Variants in RNF213 observed in about 807,000 individuals in gnomAD.
The protein encoded by RNF213 is E3 ubiquitin-protein ligase RNF213.
Under a neutral mutation model 514.4 loss-of-function variants are expected in RNF213, and 341 were observed. That is an observed-to-expected ratio of 0.66 (90% CI 0.61 to 0.73). RNF213 has a LOEUF of 0.73. Ranked by LOEUF, RNF213 falls within the 30% of genes least tolerant of loss-of-function variation. The pLI, the probability that RNF213 is intolerant of heterozygous loss-of-function variation, is 0.00. For synonymous variants in RNF213, 2,655 were observed against 2,658.2 expected (o/e 1.00, Z 0.04); for missense variants, 5,767 against 6,615.6 (o/e 0.87, Z 4.45).
At chr17:80,327,518 G>A (rs2046311335) in intron 18 of RNF213, among the ~76,000 whole-genome samples, 1 of 152,024 alleles carries the variant, frequency 6.6e-6, no homozygotes, top group African/African-American at 2.4e-5. Context: ...TCCGTATACT[G>A]AAGGGGACGT....
chr17:80,363,617 C>A lies in RNF213; in HGVS notation c.11577C>A (p.Asp3859Glu). 1 of 1,613,778 alleles carries A rather than the reference C, an allele frequency of 6.2e-7. No homozygotes were observed. The highest frequency in any genetic ancestry group is 1.1e-5 in the South Asian group (1 of 91,058). The change falls in exon 41 of 68, where the codon GAC (aspartate) becomes GAA (glutamate). Residue 3859 changes from aspartate to glutamate, a missense_variant. This residue lies in a region of RNF213 where 355 missense variants were observed against 358.0 expected (regional missense o/e 0.99). Coordinates refer to ENST00000582970, the MANE Select transcript of RNF213 (RefSeq NM_001256071.3). Reference sequence around the variant, plus strand: ...GCTGTCCGTCTCCCCAGACCCTGGACGCATTTGCCGCAATGGCCTGCACGG... The same window carrying A: ...GCTGTCCGTCTCCCCAGACCCTGGAAGCATTTGCCGCAATGGCCTGCACGG... ...HELAGCEMTL[D>E]AFAAMACTEM... is the part of the protein sequence containing the mutation.
rs912196625 is a variant in RNF213, at chr17:80,363,686, G to A, written c.11646G>A (p.Trp3882Ter). Residue 3882 changes from tryptophan (W) to a stop codon, truncating the protein, a stop_gained, in exon 41 of 68, where the codon TGG (tryptophan) becomes TGA (stop). Coordinates refer to ENST00000582970, the MANE Select transcript of RNF213 (RefSeq NM_001256071.3). LOFTEE classifies it high-confidence loss of function. ...CCCTGAAGCCCAGTCCCCAGGCGTG[G>A]CTACAGTTGGTGAAGAATCTTTCCA... is the stretch of plus-strand genomic sequence containing the variant. Reference protein sequence around the residue: ...RNTLKPSPQAWLQLVKNLSMP... With the variant: ...RNTLKPSPQA The A allele has an allele frequency of 1.2e-6, 2 of 1,614,088 alleles. No homozygotes were observed. The highest frequency in any genetic ancestry group is 1.7e-6 in the Non-Finnish European group (2 of 1,180,016).
At chr17:80,318,671 T>G (rs2046028844) in intron 16 of RNF213, among the ~76,000 whole-genome samples, 2 of 152,310 alleles carry the variant, frequency 1.3e-5, no homozygotes, top group South Asian at 4.1e-4. Context: ...CCTCCCGGGT[T>G]CACGCCATTC....
chr17:80,378,007 C>T (rs906460959), intron 54 of RNF213, among the ~76,000 whole-genome samples: 2 of 152,180 alleles, frequency 1.3e-5, no homozygotes, highest in Non-Finnish European at 2.9e-5. Flanking sequence ...GTGGACGTGG[C>T]TCTGCGGCGT....
rs1332873049 is a variant in RNF213 at position 80,394,170 on chromosome 17, A to T, written c.*672A>T. The T allele has an allele frequency of 6.6e-6, 1 of 152,424 alleles. No individual in the cohort carries two copies. The highest frequency in any genetic ancestry group is 1.5e-5 in the Non-Finnish European group (1 of 68,190). 9.4% of individuals were successfully genotyped at this position (152,424 alleles called of 1,614,324 possible). The stretch of plus-strand genomic sequence containing the variant: ...GCACTGGACTTGGACCAGGGACACC[A>T]TCAGGGCCTTGGTTTTCTCACGCAT... On this transcript the variant is annotated 3_prime_UTR_variant, in exon 68 of 68. Transcript: ENST00000582970.
intron 31 of RNF213, among the ~76,000 whole-genome samples, chr17:80,351,464 A>C (rs1426325776): frequency 1.3e-5 from 2 of 152,234 alleles, no homozygotes; most frequent in African/African-American, 4.8e-5. Flanking sequence ...GAAGAAAACG[A>C]GCCGCTAAGA....
intron 67 of RNF213, among the ~76,000 whole-genome samples, chr17:80,393,061 TCCACCTCCTGGACTCAAGTGGTCCTC>T (rs917691320): frequency 6.6e-6 from 1 of 152,070 alleles, no homozygotes; most frequent in African/African-American, 2.4e-5. Flanking sequence ...CGCTGTAGCC[TCCACCTCCTGGACTCAAGTGGTCCTC>T]CCACCTCAGC....
At chr17:80,322,739 TTGTC>T (rs2046180621) in intron 17 of RNF213, among the ~76,000 whole-genome samples, 1 of 151,988 alleles carries the variant, frequency 6.6e-6, no homozygotes, top group Non-Finnish European at 1.5e-5. Context: ...TTAAATTGGG[TTGTC>T]TTTTTATTAT....
intron 36 of RNF213, among the ~76,000 whole-genome samples, chr17:80,355,692 C>A (rs12603932): frequency 0.04 from 311 of 7,844 alleles, 64 homozygotes; most frequent in Middle Eastern, 0.12. Flanking sequence ...AGCGGGGTGA[C>A]CGGGAATGGG....
intron 20 of RNF213, among the ~76,000 whole-genome samples, chr17:80,329,122 C>T (rs1026175799): frequency 6.6e-6 from 1 of 152,228 alleles, no homozygotes; most frequent in East Asian, 1.9e-4. Context: ...GAGTCTCCCT[C>T]CACCTCCTAG....
At chr17:80,273,613 CTTT>C (rs56957242) in intron 3 of RNF213, among the ~76,000 whole-genome samples, 48 of 97,592 alleles carry the variant, frequency 4.9e-4, no homozygotes, top group East Asian at 3.0e-3. Context: ...CCTCCACCGT[CTTT>C]TTTTTTTTTT....
At chr17:80,321,069 AC>A (rs1308152737) in intron 17 of RNF213, 1 of 152,238 alleles carries the variant, frequency 6.6e-6, no homozygotes, top group African/African-American at 2.4e-5. Flanking sequence ...AATGCTTGAG[AC>A]CAGAAGTGTT....
At chr17:80,385,697 C>A in intron 61 of RNF213, 76 bp downstream of exon 61, 1 of 1,242,656 alleles carries the variant, frequency 8.0e-7, no homozygotes, top group South Asian at 1.2e-5. Flanking sequence ...CAGCCTGACT[C>A]GGCCCATCCC....
chr17:80,263,454 C>CA lies in RNF213; in HGVS notation c.-108-116dup, dbSNP rs1320861837. 7.3e-6 allele frequency: 4 copies of CA among 550,000 alleles called. No homozygotes were observed. The highest frequency in any genetic ancestry group is 1.3e-5 in the Non-Finnish European group (4 of 301,444). The allele number at this position is 550,000 out of a possible 1,614,324, so 34.1% of individuals were successfully genotyped here. A position where few individuals can be genotyped will look rare whatever the true frequency, so the allele number is the denominator to read the frequency against. On this transcript the variant is annotated intron_variant, in intron 1 of 67. Coordinates refer to ENST00000582970, the MANE Select transcript of RNF213 (RefSeq NM_001256071.3). The surrounding 1 kb of genome is among the most constrained non-coding windows in gnomAD (Gnocchi z 4.9). Reference sequence around the variant, plus strand: ...GAATGAGGGACCAGGGCAGAGACTGCAAAAGCTTGAGAGCCAAGGGGGCAG... The same window carrying CA: ...GAATGAGGGACCAGGGCAGAGACTGCAAAAAGCTTGAGAGCCAAGGGGGCAG...
intron 1 of RNF213, among the ~76,000 whole-genome samples, 181 bp downstream of exon 1, chr17:80,261,083 C>G (rs1172937159): frequency 2.0e-5 from 3 of 151,986 alleles, no homozygotes; most frequent in South Asian, 2.1e-4. Context: ...CAGCCCCGCC[C>G]GCGGCGCCCA....
intron 15 of RNF213, among the ~76,000 whole-genome samples, chr17:80,314,250 GAGGTGATGGTGGTAA>G (rs1185319124): frequency 8.9e-6 from 1 of 111,954 alleles, no homozygotes; most frequent in African/African-American, 4.1e-5. Context: ...GGAGGTACTG[GAGGTGATGGTGGTAA>G]AGGTGATGGT....
At chr17:80,308,995 T>C in intron 13 of RNF213, 23 bp from the exon 14 acceptor site, 1 of 1,613,442 alleles carries the variant, frequency 6.2e-7, no homozygotes, top group Non-Finnish European at 8.5e-7. Context: ...TGCCGGGATT[T>C]CTCTTAACTC....
chr17:80,272,972 G>A (rs1399708354), intron 2 of RNF213, among the ~76,000 whole-genome samples: 2 of 152,130 alleles, frequency 1.3e-5, no homozygotes, highest in Non-Finnish European at 2.9e-5. Flanking sequence ...GAATCCACTC[G>A]TGGACATTGG....
chr17:80,319,299 G>A lies in RNF213; in HGVS notation c.3011G>A (p.Ser1004Asn), dbSNP rs2046056889. 1.2e-6 allele frequency: 2 copies of A among 1,614,046 alleles called. No individual in the cohort carries two copies. Among genetic ancestry groups the A allele is most frequent in the African/African-American group, 2.7e-5 (2 of 74,908 alleles). The change falls in exon 17 of 68, where the codon AGC (serine) becomes AAC (asparagine). Residue 1004 changes from serine to asparagine, a missense_variant. By Grantham distance (46) the Ser-to-Asn change is conservative. Around this residue, in one of 13 missense-constraint regions of RNF213, gnomAD observed 516 missense variants for 566.5 expected, o/e 0.91. Transcript: ENST00000582970. The stretch of plus-strand genomic sequence containing the variant: ...GAGAAATGCATCATTGAAGCCGTGA[G>A]CTCAGCCTGCCAGGTGAACAATCTC... ...TFEKCIIEAV[S>N]SACQSQTSIL...
Sources: gnomAD v4.1 joint callset for allele counts (sites outside exome capture counted in the v4.1 genomes callset) on GRCh38, gnomAD v4.1.1 for gene constraint, gnomAD v4.1.1 regional missense constraint, Gnocchi (gnomAD v3.1) non-coding constraint, MANE v1.5 for transcripts, NCBI Gene and HGNC (gene_info 2026-07-23, HGNC 2026-07-21) for gene names.